The following TRIM33 variants were observed in gnomAD, a reference collection of about 807,000 sequenced individuals.
TRIM33 encodes the protein tripartite motif containing 33, also known as E3 ubiquitin-protein ligase TRIM33.
A neutral mutation model predicts 125.4 loss-of-function variants in TRIM33; 20 were observed. The ratio of observed to expected loss-of-function variants is 0.16; its 90% CI spans 0.11 to 0.23. TRIM33 has a LOEUF of 0.23. Ranked by LOEUF, TRIM33 falls within the 10% of genes least tolerant of loss-of-function variation. TRIM33 has a pLI of 1.00. For synonymous variants in TRIM33, 564 were observed against 513.9 expected, an observed-to-expected ratio of 1.10 and a Z score of -1.32; for missense variants, 920 against 1,411.4, an observed-to-expected ratio of 0.65 and a Z score of 5.58.
intron 4 of TRIM33, among the ~76,000 whole-genome samples, chr1:114,457,097 G>C (rs1358862335): frequency 6.6e-6 from 1 of 152,152 alleles, no homozygotes; most frequent in East Asian, 1.9e-4. Context: ...TGGGAATACT[G>C]CTTGCTCCTA....
At chr1:114,508,541 A>G (rs1422181214) in intron 1 of TRIM33, among the ~76,000 whole-genome samples, 5 of 152,082 alleles carry the variant, frequency 3.3e-5, no homozygotes, top group Non-Finnish European at 7.4e-5. Flanking sequence ...ATTCTTACCT[A>G]CATGTACCAA....
At chr1:114,462,220 G>T (rs1173713268) in intron 4 of TRIM33, among the ~76,000 whole-genome samples, 2 of 152,134 alleles carry the variant, frequency 1.3e-5, no homozygotes, top group East Asian at 3.8e-4. Flanking sequence ...AAAGTACCTG[G>T]CACAAAGTAA....
intron 11 of TRIM33, among the ~76,000 whole-genome samples, chr1:114,418,489 A>G (rs1653073082): frequency 6.6e-6 from 1 of 152,146 alleles, no homozygotes; most frequent in African/African-American, 2.4e-5. Flanking sequence ...TTTGGGAGAC[A>G]TTTAGTTTAT....
At chr1:114,483,001 A>G (rs1395746005) in intron 1 of TRIM33, among the ~76,000 whole-genome samples, 4 of 152,224 alleles carry the variant, frequency 2.6e-5, no homozygotes, top group Admixed American at 1.3e-4. Flanking sequence ...TTAGACCACT[A>G]AAACAAAATG....
At chr1:114,492,508 C>T (rs1378977017) in intron 1 of TRIM33, among the ~76,000 whole-genome samples, 6 of 152,066 alleles carry the variant, frequency 3.9e-5, no homozygotes, top group Non-Finnish European at 7.4e-5. Context: ...TCATCCCAAA[C>T]AGAAACTATA....
At chr1:114,401,111 A>C (rs1360790445) in intron 17 of TRIM33, among the ~76,000 whole-genome samples, 1 of 146,952 alleles carries the variant, frequency 6.8e-6, no homozygotes, top group Non-Finnish European at 1.5e-5. Flanking sequence ...ATCTCGGCTC[A>C]CTGCAAGCTC....
intron 4 of TRIM33, among the ~76,000 whole-genome samples, chr1:114,449,034 G>GA (rs1309337647): frequency 6.6e-6 from 1 of 151,924 alleles, no homozygotes; most frequent in African/African-American, 2.4e-5. Flanking sequence ...CTGAGTTAGG[G>GA]AAAAAAACCT....
At chr1:114,417,317 A>G (rs2101129825) in intron 11 of TRIM33, among the ~76,000 whole-genome samples, 1 of 152,320 alleles carries the variant, frequency 6.6e-6, no homozygotes, top group East Asian at 1.9e-4. Context: ...ACTGAACTGT[A>G]CATTTTTAGA....
intron 1 of TRIM33, among the ~76,000 whole-genome samples, chr1:114,472,501 G>A (rs1312789338): frequency 6.6e-6 from 1 of 152,230 alleles, no homozygotes; most frequent in Non-Finnish European, 1.5e-5. Flanking sequence ...GGGAGCCAGA[G>A]GCGGGCAGAT....
At chr1:114,489,641 A>G (rs531283961) in intron 1 of TRIM33, among the ~76,000 whole-genome samples, 1 of 152,176 alleles carries the variant, frequency 6.6e-6, no homozygotes, top group African/African-American at 2.4e-5. Context: ...GCTACTTGGG[A>G]GGCTGGGGTG....
At chr1:114,489,755 T>TAAATAAATAAAAAAA (rs1380317474) in intron 1 of TRIM33, among the ~76,000 whole-genome samples, 1 of 150,878 alleles carries the variant, frequency 6.6e-6, no homozygotes, top group African/African-American at 2.4e-5. Flanking sequence ...AAAAAATAAA[T>TAAATAAATAAAAAAA]AAATAAATAA....
intron 16 of TRIM33, 59 bp downstream of exon 16, chr1:114,402,701 G>GTA (rs1370554487): frequency 6.4e-7 from 1 of 1,557,968 alleles, no homozygotes; most frequent in Admixed American, 2.0e-5. Flanking sequence ...AAAAAAAGGT[G>GTA]TATATATAGG....
rs1653347128 is a variant in TRIM33 at position 114,511,124 on chromosome 1, G to GCGTCGC, written c.-54_-49dup. The GCGTCGC allele has an allele frequency of 9.0e-7, 1 of 1,109,936 alleles. No individual in the cohort carries two copies. The highest frequency in any genetic ancestry group is 1.1e-6 in the Non-Finnish European group (1 of 912,018). The allele number at this position is 1,109,936 out of a possible 1,614,324, so 68.8% of individuals were successfully genotyped here. A position where few individuals can be genotyped will look rare whatever the true frequency, so the allele number is the denominator to read the frequency against. On this transcript the variant is annotated 5_prime_UTR_variant, in exon 1 of 20. Transcript: ENST00000358465. ...GACCGCCCCGCGCCGCCCGCCGCCC[G>GCGTCGC]CGTCGCCGCCGCCGCCGCCCCCAGC...
At chr1:114,462,994 A>G in intron 4 of TRIM33, 110 bp downstream of exon 4, 1 of 824,382 alleles carries the variant, frequency 1.2e-6, no homozygotes, top group Non-Finnish European at 1.7e-6. Context: ...TAAAATACAG[A>G]TTTAAAAGAT....
chr1:114,459,078 T>C (rs1649792910), intron 4 of TRIM33, among the ~76,000 whole-genome samples: 1 of 152,196 alleles, frequency 6.6e-6, no homozygotes, highest in Non-Finnish European at 1.5e-5. Context: ...ATTCCTGGCA[T>C]ACAATTCCTA....
Position 114,510,920 on chromosome 1 carries a change from C to T in TRIM33, c.157G>A (p.Ala53Thr). The change falls in exon 1 of 20, where the codon GCC becomes ACC. Residue 53 changes from alanine to threonine, a missense_variant. Ala to Thr is a moderately conservative substitution (Grantham distance 58). Transcript: ENST00000358465. ...CCGGCCGCGCCGCCCTCAGCGCCGG[C>T]CCTGCCGCCTTCCTCCTCCTCCTCC... ...VEEEEEEGGRAGAEGGAAGPD... is the reference protein window; with the variant it reads ...VEEEEEEGGRTGAEGGAAGPD... 1 of 1,420,566 alleles carries T rather than the reference C, an allele frequency of 7.0e-7. No individual in the cohort carries two copies. 88.0% of individuals were successfully genotyped at this position (1,420,566 alleles called of 1,614,324 possible).
Position 114,408,711 on chromosome 1 carries a change from G to T in TRIM33, c.2224C>A (p.Pro742Thr), listed in dbSNP as rs1424311214. 2 of 1,604,388 alleles carry T rather than the reference G, an allele frequency of 1.2e-6. No individual in the cohort carries two copies. The highest frequency in any genetic ancestry group is 1.7e-6 in the Non-Finnish European group (2 of 1,174,626). ...GLSNSHTPVR[P>T]PSTSSTGSRG... ...CTGCCAGTACTAGAAGTACTTGGGG[G>T]TCTCACAGGTGTGTGAGAATTGGAT... Residue 742 changes from proline (P) to threonine (T), a missense_variant, in exon 13 of 20, where the codon CCC (proline) becomes ACC (threonine). Physicochemically the swap from Pro to Thr is conservative, Grantham distance 38. Around this residue, in one of 8 missense-constraint regions of TRIM33, gnomAD observed 407 missense variants for 589.7 expected, o/e 0.69. Coordinates refer to ENST00000358465, the MANE Select transcript of TRIM33 (RefSeq NM_015906.4).
chr1:114,482,184 G>A (rs1651401332), intron 1 of TRIM33, among the ~76,000 whole-genome samples: 1 of 152,010 alleles, frequency 6.6e-6, no homozygotes, highest in Admixed American at 6.6e-5. Flanking sequence ...TTTCATTTAC[G>A]CTTAATTTTG....
chr1:114,430,262 T>C (rs1431622111), intron 6 of TRIM33, among the ~76,000 whole-genome samples: 1 of 152,158 alleles, frequency 6.6e-6, no homozygotes, highest in Admixed American at 6.5e-5. Flanking sequence ...TTTTTCATTT[T>C]GGAGACAGGG....
Sources: gnomAD v4.1 joint callset for allele counts (sites outside exome capture counted in the v4.1 genomes callset) on GRCh38, gnomAD v4.1.1 for gene constraint, gnomAD v4.1.1 regional missense constraint, MANE v1.5 for transcripts, NCBI Gene and HGNC (gene_info 2026-07-23, HGNC 2026-07-21) for gene names.